GRIK2: variants seen among roughly 807,000 people sequenced by gnomAD.
The protein encoded by GRIK2 is glutamate receptor ionotropic, kainate 2.
A neutral mutation model predicts 100.3 loss-of-function variants in GRIK2; 32 were observed. The observed-to-expected ratio is 0.32, with a 90% CI of 0.24 to 0.43. The LOEUF is 0.43. GRIK2 is among the 20% of genes least tolerant of loss of function. The pLI, the probability that GRIK2 is intolerant of heterozygous loss-of-function variation, is 1.00. For missense variants in GRIK2, 843 were observed against 1,114.9 expected, an observed-to-expected ratio of 0.76 and a Z score of 3.47; for synonymous variants, 417 against 389.4, an observed-to-expected ratio of 1.07 and a Z score of -0.83.
At chr6:101,476,669 A>G (rs1336274180) in intron 2 of GRIK2, among the ~76,000 whole-genome samples, 1 of 152,164 alleles carries the variant, frequency 6.6e-6, no homozygotes, top group East Asian at 1.9e-4. Context: ...ATATTTTTGT[A>G]GGGTAAAGAA....
intron 2 of GRIK2, among the ~76,000 whole-genome samples, chr6:101,533,298 A>G (rs1775531673): frequency 6.6e-6 from 1 of 151,888 alleles, no homozygotes; most frequent in South Asian, 2.1e-4. Flanking sequence ...ACAAGAAGTG[A>G]GAAAGTCTCC....
In GRIK2 at chr6:101,762,104, C is replaced by G. The variant is rs1777746988; in HGVS notation, c.952-37544C>G. Among the ~76,000 whole-genome samples the G allele has an allele frequency of 7.0e-5, 10 of 143,630 alleles. No homozygotes were observed. In the South Asian group the frequency reaches 2.4e-3, roughly 34 times the overall value. The allele number at this position is 143,630 out of a possible 152,430, so 94.2% of individuals were successfully genotyped here. A position where few individuals can be genotyped will look rare whatever the true frequency, so the allele number is the denominator to read the frequency against. ...CTTCCTTTCCTTCCTTCCTCCCTTCCTTTCCTTCCTTCCTCCCTTCCTTTC... is the reference window on the plus strand; with the variant it reads ...CTTCCTTTCCTTCCTTCCTCCCTTCGTTTCCTTCCTTCCTCCCTTCCTTTC... On this transcript the variant is annotated intron_variant, in intron 7 of 16. Transcript: ENST00000369134.
intron 2 of GRIK2, among the ~76,000 whole-genome samples, chr6:101,543,900 CT>C (rs1424514092): frequency 1.4e-4 from 22 of 152,048 alleles, no homozygotes; most frequent in Admixed American, 2.6e-4. Flanking sequence ...CAAAATATTG[CT>C]TTTAGTGAAG....
chr6:101,703,712 G>T (rs1773056656), intron 7 of GRIK2, among the ~76,000 whole-genome samples: 1 of 151,662 alleles, frequency 6.6e-6, no homozygotes, highest in Admixed American at 6.6e-5. Context: ...AAATATTCCA[G>T]TAGAGAAGGA....
chr6:101,812,743 G>A (rs591078), intron 9 of GRIK2, among the ~76,000 whole-genome samples: 17,503 of 151,862 alleles, frequency 0.12, 1,089 homozygotes, highest in Admixed American at 0.16. Flanking sequence ...GTATGGAAGC[G>A]TAATAAACGA....
At chr6:101,407,948 A>C (rs1228027845) in intron 2 of GRIK2, among the ~76,000 whole-genome samples, 1 of 152,140 alleles carries the variant, frequency 6.6e-6, no homozygotes, top group Non-Finnish European at 1.5e-5. Context: ...AGAAGGGGGA[A>C]ATGTATCATT....
chr6:101,717,393 C>T (rs764828882), intron 7 of GRIK2, among the ~76,000 whole-genome samples: 3 of 151,646 alleles, frequency 2.0e-5, no homozygotes, highest in Admixed American at 6.6e-5. Flanking sequence ...TCGGTGTTAA[C>T]GCTGACAATA....
chr6:102,057,605 T>C (rs1411994193), intron 16 of GRIK2, among the ~76,000 whole-genome samples: 1 of 151,960 alleles, frequency 6.6e-6, no homozygotes, highest in African/African-American at 2.4e-5. Context: ...GGATATTACA[T>C]GAGCATTATA....
chr6:101,944,323 A>G (rs954115375), intron 14 of GRIK2, among the ~76,000 whole-genome samples: 3 of 152,214 alleles, frequency 2.0e-5, no homozygotes, highest in African/African-American at 7.2e-5. Context: ...TAGCTTTACT[A>G]TATGACACTG....
chr6:101,807,896 G>C (rs965854610), intron 9 of GRIK2, among the ~76,000 whole-genome samples: 3 of 152,038 alleles, frequency 2.0e-5, no homozygotes, highest in African/African-American at 7.2e-5. Context: ...TGGAATTACT[G>C]AAGTAATTTG....
intron 7 of GRIK2, among the ~76,000 whole-genome samples, chr6:101,793,565 G>C (rs1780052945): frequency 6.6e-6 from 1 of 152,102 alleles, no homozygotes; most frequent in East Asian, 1.9e-4. Context: ...CGTTCCTCTG[G>C]AAGTTTTGTC....
At position 101,720,509 on chromosome 6, in the gene GRIK2, T is replaced by C. The variant is rs533483031; in HGVS notation, c.951+34156T>C. On this transcript the variant is annotated intron_variant, in intron 7 of 16. Coordinates refer to ENST00000369134, the MANE Select transcript of GRIK2 (RefSeq NM_021956.5). ...AATGTGTAAGTGTAGTATTGTCTATTAATAATTCCTGGTATTTCTGCCATA... is the reference window on the plus strand; with the variant it reads ...AATGTGTAAGTGTAGTATTGTCTATCAATAATTCCTGGTATTTCTGCCATA... Among the ~76,000 whole-genome samples, 79 of 152,190 alleles carry C rather than the reference T, an allele frequency of 5.2e-4. 1 individual carries two copies. In the South Asian group the frequency reaches 0.016, roughly 32 times the overall value.
At position 101,626,469 on chromosome 6, in the gene GRIK2, C is replaced by G; in HGVS notation, c.373C>G (p.Leu125Val). ...ANAVQSICNA[L>V]GVPHIQTRWK... ...CGCAGTGCAGTCCATCTGCAATGCT[C>G]TGGGAGTTCCCCACATACAGACCCG... Residue 125 changes from leucine to valine, a missense_variant, in exon 4 of 17, where the codon CTG becomes GTG. Physicochemically the swap from Leu to Val is conservative, Grantham distance 32. Coordinates refer to ENST00000369134, the MANE Select transcript of GRIK2 (RefSeq NM_021956.5). The G allele has an allele frequency of 6.2e-7, 1 of 1,613,882 alleles. No homozygotes were observed.
intron 2 of GRIK2, among the ~76,000 whole-genome samples, chr6:101,547,552 G>C (rs892158303): frequency 6.6e-6 from 1 of 152,100 alleles, no homozygotes; most frequent in Non-Finnish European, 1.5e-5. Context: ...TTCCACCTAT[G>C]AGTGAGAACA....
At chr6:101,630,361 C>A (rs1332498266) in intron 4 of GRIK2, among the ~76,000 whole-genome samples, 1 of 152,088 alleles carries the variant, frequency 6.6e-6, no homozygotes, top group Non-Finnish European at 1.5e-5. Context: ...TTCTCTGCAA[C>A]CTCACCAACA....
At chr6:101,681,150 T>C (rs1357535052) in intron 5 of GRIK2, among the ~76,000 whole-genome samples, 1 of 152,184 alleles carries the variant, frequency 6.6e-6, no homozygotes, top group Non-Finnish European at 1.5e-5. Context: ...GGGTACATAG[T>C]AGGTGTACAT....
chr6:101,712,064 TTGAG>T (rs1773755647), intron 7 of GRIK2, among the ~76,000 whole-genome samples: 1 of 151,786 alleles, frequency 6.6e-6, no homozygotes, highest in African/African-American at 2.4e-5. Context: ...CCCCAAATGA[TTGAG>T]TAAATTTGCA....
intron 7 of GRIK2, among the ~76,000 whole-genome samples, chr6:101,798,516 C>G (rs1040791440): frequency 6.6e-6 from 1 of 151,914 alleles, no homozygotes; most frequent in Non-Finnish European, 1.5e-5. Flanking sequence ...GCATTGTGCT[C>G]TTTAGCCATC....
chr6:101,660,455 C>T (rs1178035167), intron 4 of GRIK2, among the ~76,000 whole-genome samples: 1 of 152,070 alleles, frequency 6.6e-6, no homozygotes, highest in Non-Finnish European at 1.5e-5. Context: ...TATTACCCAC[C>T]TTCTGAAGCC....
Sources: gnomAD v4.1 joint callset for allele counts (sites outside exome capture counted in the v4.1 genomes callset) on GRCh38, gnomAD v4.1.1 for gene constraint, MANE v1.5 for transcripts, NCBI Gene and HGNC (gene_info 2026-07-23, HGNC 2026-07-21) for gene names.